PRLR: variants seen among roughly 807,000 people sequenced by gnomAD.
The protein encoded by PRLR is prolactin receptor, also known as hPRL receptor.
Under a neutral mutation model 40.2 loss-of-function variants are expected in PRLR, and 13 were observed. The observed-to-expected ratio is 0.32, with a 90% CI of 0.21 to 0.51. PRLR has a LOEUF of 0.51. Ranked by LOEUF, PRLR falls within the 20% of genes least tolerant of loss-of-function variation. The probability of loss-of-function intolerance (pLI) is 0.97; values close to 1 mark genes in which losing one functional copy is unlikely to be tolerated. For missense variants in PRLR, 656 were observed against 747.3 expected (o/e 0.88, Z 1.42); for synonymous variants, 269 against 278.7 (o/e 0.97, Z 0.35).
In PRLR at chr5:35,055,812, G is replaced by A. The variant is rs957078521; in HGVS notation, c.*9277C>T. ...ATGCATCATAAAGTTACATAGTTCA[G>A]CAACAATATCAATATTGATTATATA... On this transcript the variant is annotated 3_prime_UTR_variant, in exon 10 of 10. Coordinates refer to ENST00000618457, the MANE Select transcript of PRLR (RefSeq NM_000949.7). 1 of 152,110 alleles carries A rather than the reference G, an allele frequency of 6.6e-6. No homozygotes were observed. The highest frequency in any genetic ancestry group is 1.5e-5 in the Non-Finnish European group (1 of 68,016). The allele number at this position is 152,110 out of a possible 1,614,324, so 9.4% of individuals were successfully genotyped here.
intron 5 of PRLR, among the ~76,000 whole-genome samples, chr5:35,073,455 G>A (rs1489345157): frequency 6.6e-6 from 1 of 152,070 alleles, no homozygotes; most frequent in African/African-American, 2.4e-5. Flanking sequence ...TACATGCCAG[G>A]GACTGTATAA....
intron 1 of PRLR, among the ~76,000 whole-genome samples, chr5:35,186,737 T>C (rs1019868469): frequency 1.1e-4 from 16 of 152,148 alleles, no homozygotes; most frequent in African/African-American, 3.9e-4. Context: ...GGCTAACTCA[T>C]TTTGCTCCAC....
rs994955240 is a variant in PRLR at position 35,144,052 on chromosome 5, A to G, written c.-105-25930T>C. ...TAGCTCTAACACTCATTATTAATAC[A>G]TTTCTATTTAAGGCACCAGTTTTGC... On this transcript the variant is annotated intron_variant, in intron 1 of 9. Coordinates refer to ENST00000618457, the MANE Select transcript of PRLR (RefSeq NM_000949.7). 2.8e-5 allele frequency among the ~76,000 whole-genome samples: 4 copies of G among 143,388 alleles called. No homozygotes were observed. In the South Asian group the frequency reaches 6.4e-4, roughly 23 times the overall value. The allele number at this position is 143,388 out of a possible 152,430, so 94.1% of individuals were successfully genotyped here.
At chr5:35,049,111 C>T in exon 9 of PRLR, 1 of 691,646 alleles carries the variant, frequency 1.4e-6, no homozygotes, top group Middle Eastern at 2.4e-4. Context: ...GTCAATTCTG[C>T]TTTGGGGGCA....
At chr5:35,145,106 G>A (rs1403947015) in intron 1 of PRLR, among the ~76,000 whole-genome samples, 1 of 152,124 alleles carries the variant, frequency 6.6e-6, no homozygotes, top group Non-Finnish European at 1.5e-5. Flanking sequence ...ATGAACTGTG[G>A]AAAGCTAGTT....
chr5:35,156,818 G>A (rs1774523416), intron 1 of PRLR, among the ~76,000 whole-genome samples: 1 of 152,124 alleles, frequency 6.6e-6, no homozygotes, highest in African/African-American at 2.4e-5. Flanking sequence ...AGTACCAAGA[G>A]CTCCTGCCCC....
intron 1 of PRLR, among the ~76,000 whole-genome samples, chr5:35,148,033 A>G (rs981030205): frequency 6.6e-6 from 1 of 152,138 alleles, no homozygotes; most frequent in Non-Finnish European, 1.5e-5. Flanking sequence ...GGAATTAATC[A>G]TAGGTTTAAG....
intron 5 of PRLR, among the ~76,000 whole-genome samples, chr5:35,076,287 A>G (rs1770091332): frequency 6.6e-6 from 1 of 152,210 alleles, no homozygotes; most frequent in South Asian, 2.1e-4. Context: ...CAAAGAAGCT[A>G]AAAACCTCAA....
At chr5:35,131,808 G>T (rs991784344) in intron 1 of PRLR, among the ~76,000 whole-genome samples, 1 of 152,206 alleles carries the variant, frequency 6.6e-6, no homozygotes, top group African/African-American at 2.4e-5. Context: ...CCTCCAGTGA[G>T]AAAGTTGCTC....
At chr5:35,184,090 G>A (rs116273317) in intron 1 of PRLR, among the ~76,000 whole-genome samples, 33 of 152,274 alleles carry the variant, frequency 2.2e-4, no homozygotes, top group Non-Finnish European at 4.6e-4. Context: ...AGATTCCTGG[G>A]ATGATATAAA....
intron 5 of PRLR, among the ~76,000 whole-genome samples, chr5:35,080,665 C>T (rs528491095): frequency 1.7e-4 from 26 of 152,178 alleles, no homozygotes; most frequent in African/African-American, 6.0e-4. Flanking sequence ...CTAGAAATAC[C>T]GTTTGACCCA....
chr5:35,143,457 T>G (rs1561331076), intron 1 of PRLR, among the ~76,000 whole-genome samples: 1 of 152,234 alleles, frequency 6.6e-6, no homozygotes, highest in Admixed American at 6.5e-5. Flanking sequence ...TCCCCTATCA[T>G]CATGATTGAC....
In PRLR at chr5:35,059,051, G is replaced by C. The variant is rs1282844370; in HGVS notation, c.*6038C>G. 6.6e-6 allele frequency: 1 copy of C among 152,128 alleles called. No individual in the cohort carries two copies. Among genetic ancestry groups the C allele is most frequent in the Non-Finnish European group, 1.5e-5 (1 of 68,008 alleles). 9.4% of individuals were successfully genotyped at this position (152,128 alleles called of 1,614,324 possible). On this transcript the variant is annotated 3_prime_UTR_variant, in exon 10 of 10. Coordinates refer to ENST00000618457, the MANE Select transcript of PRLR (RefSeq NM_000949.7). The stretch of plus-strand genomic sequence containing the variant: ...AGTTTTTCAGATAACGTGGAAAAAA[G>C]ATTTTTCCCCCAGGATTTGTGAAGT...
chr5:35,225,952 G>T (rs1425001114), intron 1 of PRLR, among the ~76,000 whole-genome samples: 2 of 152,186 alleles, frequency 1.3e-5, no homozygotes, highest in Non-Finnish European at 2.9e-5. Context: ...AAAGTGCTTG[G>T]ATTACAGGCA....
chr5:35,170,353 G>A (rs773584181), intron 1 of PRLR, among the ~76,000 whole-genome samples: 31 of 152,136 alleles, frequency 2.0e-4, no homozygotes, highest in Non-Finnish European at 4.0e-4. Flanking sequence ...ACAGTCAAGA[G>A]CAGAGGACAC....
At position 35,143,064 on chromosome 5, in the gene PRLR, C is replaced by A. The variant is rs147633756; in HGVS notation, c.-105-24942G>T. ...AGTTTCTATAAATTGTTGATATGAACTTACAAGTCTAAAAACAACAAAATA... is the reference window on the plus strand; with the variant it reads ...AGTTTCTATAAATTGTTGATATGAAATTACAAGTCTAAAAACAACAAAATA... On this transcript the variant is annotated intron_variant, in intron 1 of 9. Coordinates refer to ENST00000618457, the MANE Select transcript of PRLR (RefSeq NM_000949.7). 5.3e-5 allele frequency among the ~76,000 whole-genome samples: 8 copies of A among 152,252 alleles called. No homozygotes were observed. The East Asian group carries it at 1.5e-3, about 29-fold the overall frequency.
chr5:35,215,496 C>T (rs147352595), intron 1 of PRLR, among the ~76,000 whole-genome samples: 6 of 152,262 alleles, frequency 3.9e-5, no homozygotes, highest in African/African-American at 1.4e-4. Context: ...TTGTACATAC[C>T]TTGTCTTGTC....
At chr5:35,147,381 A>G (rs562829438) in intron 1 of PRLR, among the ~76,000 whole-genome samples, 2 of 152,312 alleles carry the variant, frequency 1.3e-5, no homozygotes, top group South Asian at 4.1e-4. Flanking sequence ...TTTCCATCTC[A>G]AGAATTATAA....
At chr5:35,211,264 A>C (rs1776160911) in intron 1 of PRLR, among the ~76,000 whole-genome samples, 1 of 152,046 alleles carries the variant, frequency 6.6e-6, no homozygotes, top group South Asian at 2.1e-4. Flanking sequence ...CACACTTCTG[A>C]CTTTGTTTAT....
Sources: allele counts gnomAD v4.1 joint callset (sites outside exome capture counted in the v4.1 genomes callset), GRCh38; gene constraint gnomAD v4.1.1; transcripts MANE v1.5; gene names NCBI Gene and HGNC (gene_info 2026-07-23, HGNC 2026-07-21).